FAM184B: variants seen among roughly 807,000 people sequenced by gnomAD.
FAM184B encodes the protein family with sequence similarity 184 member B.
In FAM184B, 111 loss-of-function variants were observed where a neutral mutation model predicts 135.9. The ratio of observed to expected loss-of-function variants is 0.82; its 90% CI spans 0.70 to 0.96. FAM184B has a LOEUF of 0.96. Among genes scored for constraint, FAM184B ranks in the 40% least tolerant of loss-of-function variants. The pLI, the probability that FAM184B is intolerant of heterozygous loss-of-function variation, is 0.00. For missense variants in FAM184B, 1,375 were observed against 1,323.9 expected, an observed-to-expected ratio of 1.04 and a Z score of -0.60; for synonymous variants, 552 against 524.8, an observed-to-expected ratio of 1.05 and a Z score of -0.71.
chr4:17,723,691 A>G (rs1328797269), intron 1 of FAM184B, among the ~76,000 whole-genome samples: 1 of 152,186 alleles, frequency 6.6e-6, no homozygotes, highest in East Asian at 1.9e-4. Context: ...AGTCCTAGGA[A>G]GGGTGGTCTG....
chr4:17,667,260 T>C (rs1437448156), intron 7 of FAM184B, among the ~76,000 whole-genome samples: 1 of 152,104 alleles, frequency 6.6e-6, no homozygotes, highest in African/African-American at 2.4e-5. Context: ...GCACCCACTC[T>C]TCCCCCACTT....
At chr4:17,638,096 C>G (rs1268040054) in intron 14 of FAM184B, among the ~76,000 whole-genome samples, 1 of 149,394 alleles carries the variant, frequency 6.7e-6, no homozygotes, top group Non-Finnish European at 1.5e-5. Flanking sequence ...ATCCTGTCTT[C>G]CAGCACTTTC....
At chr4:17,704,949 G>A (rs999223033) in intron 5 of FAM184B, 51 bp downstream of exon 5, 7 of 1,467,112 alleles carry the variant, frequency 4.8e-6, no homozygotes, top group Non-Finnish European at 5.6e-6. Context: ...AAGAAAGGAG[G>A]TGGGAGAAAG....
rs745426878 is a variant in FAM184B, at chr4:17,781,130, G to A, written c.141+29C>T. On this transcript the variant is annotated intron_variant, in intron 1 of 17. Coordinates refer to ENST00000265018, the MANE Select transcript of FAM184B (RefSeq NM_015688.2). This position sits in a 1 kb window ranked among gnomAD's most constrained non-coding sequence, Gnocchi z 6.5. The stretch of plus-strand genomic sequence containing the variant: ...CCGGCTCGGGCGCCCCGGGCGTGCA[G>A]CTCGCTGGCCCGCTGCGCCCCACCT... The A allele has an allele frequency of 4.7e-4, 704 of 1,492,154 alleles. 9 individuals are homozygous for A. Among genetic ancestry groups the A allele is most frequent in the Non-Finnish European group, 1.2e-4 (135 of 1,117,618 alleles). 92.4% of individuals were successfully genotyped at this position (1,492,154 alleles called of 1,614,324 possible). A position where few individuals can be genotyped will look rare whatever the true frequency, so the allele number is the denominator to read the frequency against.
At position 17,685,198 on chromosome 4, in the gene FAM184B, T is replaced by TA. The variant is rs56051873; in HGVS notation, c.1596+3225dup. On this transcript the variant is annotated intron_variant, in intron 7 of 17. Transcript: ENST00000265018. ...CATCCTGCACATGTACCCTGGAACT[T>TA]AAAAAAAAAAAAAAAAAAAAGAAAC... Among the ~76,000 whole-genome samples, 812 of 103,466 alleles carry TA rather than the reference T, an allele frequency of 7.8e-3. 5 individuals carry two copies. Among genetic ancestry groups the TA allele is most frequent in the African/African-American group, 0.023 (648 of 27,904 alleles). The allele number at this position is 103,466 out of a possible 152,430, so 67.9% of individuals were successfully genotyped here.
chr4:17,702,358 G>A (rs1261407912), intron 5 of FAM184B, among the ~76,000 whole-genome samples: 4 of 152,112 alleles, frequency 2.6e-5, no homozygotes, highest in African/African-American at 9.7e-5. Flanking sequence ...CTAATTATAG[G>A]ATGTGTACTG....
chr4:17,696,897 G>A (rs999063627), intron 5 of FAM184B, among the ~76,000 whole-genome samples: 1 of 152,136 alleles, frequency 6.6e-6, no homozygotes, highest in Non-Finnish European at 1.5e-5. Flanking sequence ...GGGGAGAGGT[G>A]TGGGATGAGG....
intron 12 of FAM184B, among the ~76,000 whole-genome samples, chr4:17,643,615 T>C (rs1209692855): frequency 6.6e-6 from 1 of 152,214 alleles, no homozygotes; most frequent in African/African-American, 2.4e-5. Flanking sequence ...TGGAACACGT[T>C]CTGTCTTCCC....
intron 1 of FAM184B, among the ~76,000 whole-genome samples, chr4:17,721,560 A>AG (rs1296199067): frequency 1.2e-4 from 18 of 152,098 alleles, no homozygotes; most frequent in Non-Finnish European, 1.5e-5. Context: ...GGCATGGCAT[A>AG]GAGGCAAGAC....
At chr4:17,641,233 G>A (rs559770627) in intron 13 of FAM184B, among the ~76,000 whole-genome samples, 19 of 151,850 alleles carry the variant, frequency 1.3e-4, no homozygotes, top group South Asian at 1.2e-3. Context: ...CACGCCAGCC[G>A]AGGCTGGAGT....
In FAM184B at chr4:17,781,074, G is replaced by A; in HGVS notation, c.141+85C>T. ...AAAGTTTCTGTCTGGATTTGGCCCG[G>A]GCCTCCCGGGAGGCGCATCCGCACT... On this transcript the variant is annotated intron_variant, in intron 1 of 17. Transcript: ENST00000265018. The surrounding 1 kb of genome is among the most constrained non-coding windows in gnomAD (Gnocchi z 6.5). The A allele has an allele frequency of 1.4e-6, 2 of 1,406,024 alleles. No homozygotes were observed. Among genetic ancestry groups the A allele is most frequent in the Non-Finnish European group, 1.9e-6 (2 of 1,071,058 alleles). 87.1% of individuals were successfully genotyped at this position (1,406,024 alleles called of 1,614,324 possible). A position where few individuals can be genotyped will look rare whatever the true frequency, so the allele number is the denominator to read the frequency against.
chr4:17,643,279 G>T (rs774807104), intron 12 of FAM184B, among the ~76,000 whole-genome samples: 1 of 152,190 alleles, frequency 6.6e-6, no homozygotes, highest in South Asian at 2.1e-4. Context: ...GCCTGGCATT[G>T]TGTCCCCTCC....
chr4:17,765,253 A>C (rs1361911480), intron 1 of FAM184B, among the ~76,000 whole-genome samples: 1 of 151,998 alleles, frequency 6.6e-6, no homozygotes, highest in East Asian at 1.9e-4. Flanking sequence ...ATCACTACAT[A>C]TTTCTTTTTC....
chr4:17,647,654 G>A lies in FAM184B; in HGVS notation c.2329C>T (p.His777Tyr). 6.4e-7 allele frequency: 1 copy of A among 1,550,496 alleles called. No homozygotes were observed. Among genetic ancestry groups the A allele is most frequent in the Non-Finnish European group, 8.7e-7 (1 of 1,146,836 alleles). Reference protein sequence around the residue: ...SSQCPGDSKDHIIATEERGGP... With the variant: ...SSQCPGDSKDYIIATEERGGP... ...GCACTGACCTCTGTGGCGATTATGT[G>A]ATCCTTGCTGTCTCCTGGACACTGG... The change falls in exon 12 of 18, where the codon CAC becomes TAC. Residue 777 changes from histidine to tyrosine, a missense_variant. His to Tyr is a moderately conservative substitution (Grantham distance 83). Transcript: ENST00000265018.
chr4:17,778,164 TAAAC>T (rs1415415278), intron 1 of FAM184B, among the ~76,000 whole-genome samples: 3 of 150,816 alleles, frequency 2.0e-5, no homozygotes, highest in Non-Finnish European at 4.4e-5. Flanking sequence ...ACAGTAAAAA[TAAAC>T]AAAACAAATC....
intron 7 of FAM184B, among the ~76,000 whole-genome samples, chr4:17,684,016 C>T (rs1268967410): frequency 6.6e-6 from 1 of 151,202 alleles, no homozygotes; most frequent in East Asian, 1.9e-4. Context: ...TCGAGGATTG[C>T]AGTGAGCCAG....
chr4:17,632,944 C>T (rs982415808), intron 17 of FAM184B: 17 of 194,098 alleles, frequency 8.8e-5, no homozygotes, highest in Non-Finnish European at 1.4e-4. Flanking sequence ...TTTTTTGTGA[C>T]AGAGTCTCCC....
rs1374487935 is a variant in FAM184B, at chr4:17,642,228, C to T, written c.2347G>A (p.Glu783Lys). Residue 783 changes from glutamate (E) to lysine (K), a missense_variant and splice_region_variant, in exon 13 of 18, where the codon GAG becomes AAG. By Grantham distance (56) the Glu-to-Lys change is moderately conservative. Coordinates refer to ENST00000265018, the MANE Select transcript of FAM184B (RefSeq NM_015688.2). ...DSKDHIIATEERGGPGQAGSP... is the reference protein window; with the variant it reads ...DSKDHIIATEKRGGPGQAGSP... Reference sequence around the variant, plus strand: ...CCGGCCTGGCCCGGGCCGCCCCGCTCCTGAGGAAGGCAACCAGGAGAGGTG... The same window carrying T: ...CCGGCCTGGCCCGGGCCGCCCCGCTTCTGAGGAAGGCAACCAGGAGAGGTG... 1 of 1,481,378 alleles carries T rather than the reference C, an allele frequency of 6.8e-7. No homozygotes were observed. The highest frequency in any genetic ancestry group is 1.3e-5 in the South Asian group (1 of 75,816). The allele number at this position is 1,481,378 out of a possible 1,614,324, so 91.8% of individuals were successfully genotyped here. A position where few individuals can be genotyped will look rare whatever the true frequency, so the allele number is the denominator to read the frequency against.
chr4:17,685,718 TG>T (rs994241793), intron 7 of FAM184B, among the ~76,000 whole-genome samples: 1 of 152,100 alleles, frequency 6.6e-6, no homozygotes. Context: ...CATTTTTGGT[TG>T]GAAAGGTACT....
Sources: allele counts gnomAD v4.1 joint callset (sites outside exome capture counted in the v4.1 genomes callset), GRCh38; gene constraint gnomAD v4.1.1; non-coding constraint Gnocchi (gnomAD v3.1); transcripts MANE v1.5; gene names NCBI Gene and HGNC (gene_info 2026-07-23, HGNC 2026-07-21).